Variants in CLEC6A observed in about 807,000 individuals in gnomAD.
CLEC6A encodes C-type lectin domain family 6 member A.
Under a neutral mutation model 25.7 loss-of-function variants are expected in CLEC6A, and 22 were observed. That is an observed-to-expected ratio of 0.85 (90% CI 0.61 to 1.22). CLEC6A has a LOEUF of 1.22. Ranked by LOEUF, CLEC6A falls within the 50% of genes most tolerant of loss-of-function variation. The pLI is 0.00. For missense variants in CLEC6A, 240 were observed against 236.8 expected, an observed-to-expected ratio of 1.01 and a Z score of -0.09; for synonymous variants, 92 against 76.7, an observed-to-expected ratio of 1.20 and a Z score of -1.04.
chr12:8,459,435 A>G (rs922934046), intron 2 of CLEC6A, among the ~76,000 whole-genome samples, 162 bp from the exon 3 acceptor site: 27 of 152,306 alleles, frequency 1.8e-4, no homozygotes, highest in African/African-American at 6.0e-4. Context: ...AAAAAATAAG[A>G]TAAGTGAATA....
At chr12:8,460,536 CAG>C in intron 3 of CLEC6A, 1 of 709,492 alleles carries the variant, frequency 1.4e-6, no homozygotes. Flanking sequence ...TGGGTGGAGA[CAG>C]AGAACCAAAC....
intron 4 of CLEC6A, among the ~76,000 whole-genome samples, chr12:8,474,817 G>A (rs537765774): frequency 3.9e-5 from 6 of 152,036 alleles, no homozygotes; most frequent in African/African-American, 4.8e-5. Flanking sequence ...TAAATAAATC[G>A]ACTATAGTTA....
At chr12:8,469,285 T>C (rs1487535949) in intron 4 of CLEC6A, among the ~76,000 whole-genome samples, 1 of 152,102 alleles carries the variant, frequency 6.6e-6, no homozygotes, top group East Asian at 1.9e-4. Flanking sequence ...AAATCACAGA[T>C]GACACAAGCA....
rs1939759325 is a variant in CLEC6A, at chr12:8,461,836, C to T, written c.223+2138C>T. The stretch of plus-strand genomic sequence containing the variant: ...ACGAAGAGCTAGAGTTCCTTCAATC[C>T]ACCTGCACTCGACCTAGGCCAGTTT... On this transcript the variant is annotated intron_variant, in intron 3 of 5. Coordinates refer to ENST00000382073, the MANE Select transcript of CLEC6A (RefSeq NM_001007033.2). Among the ~76,000 whole-genome samples, 3 of 152,158 alleles carry T rather than the reference C, an allele frequency of 2.0e-5. No homozygotes were observed. The South Asian group carries it at 6.2e-4, about 32-fold the overall frequency.
At chr12:8,465,243 CT>C (rs11420799) in intron 3 of CLEC6A, among the ~76,000 whole-genome samples, 35 of 145,622 alleles carry the variant, frequency 2.4e-4, no homozygotes, top group African/African-American at 5.0e-4. Flanking sequence ...TCAATAGTGA[CT>C]TTTTTTTTTT....
Position 8,465,468 on chromosome 12 carries a change from T to C in CLEC6A, c.224-16T>C, listed in dbSNP as rs113846065. 59 of 1,613,654 alleles carry C rather than the reference T, an allele frequency of 3.7e-5. No individual in the cohort carries two copies. The highest frequency in any genetic ancestry group is 1.7e-4 in the Middle Eastern group (1 of 6,060). On this transcript the variant is annotated splice_polypyrimidine_tract_variant and intron_variant, in intron 3 of 5. Transcript: ENST00000382073. ...ATCTTGCACTCACTCTTTTTTTTCATGTAACACAAAAATAGCCTGGGGATG... is the reference window on the plus strand; with the variant it reads ...ATCTTGCACTCACTCTTTTTTTTCACGTAACACAAAAATAGCCTGGGGATG...
chr12:8,457,933 G>A lies in CLEC6A; in HGVS notation c.67G>A (p.Val23Met). ...RGWLSLRLWS[V>M]AGISIALLSA... ...CTGGTTGTCCCTGAGACTCTGGTCTGTGGCTGGGATTTCCATTGCACTCCT... is the reference window on the plus strand; with the variant it reads ...CTGGTTGTCCCTGAGACTCTGGTCTATGGCTGGGATTTCCATTGCACTCCT... The change falls in exon 2 of 6, where the codon GTG becomes ATG. Residue 23 changes from valine to methionine, a missense_variant. Val to Met is a conservative substitution (Grantham distance 21, BLOSUM62 1). Coordinates refer to ENST00000382073, the MANE Select transcript of CLEC6A (RefSeq NM_001007033.2). 6.2e-7 allele frequency: 1 copy of A among 1,614,118 alleles called. No individual in the cohort carries two copies. The highest frequency in any genetic ancestry group is 1.1e-5 in the South Asian group (1 of 91,086).
chr12:8,456,352 G>T (rs892274891), intron 1 of CLEC6A, among the ~76,000 whole-genome samples: 1 of 152,156 alleles, frequency 6.6e-6, no homozygotes, highest in African/African-American at 2.4e-5. Context: ...TGGGAGGTTT[G>T]TACCAGATTT....
In CLEC6A at chr12:8,459,626, G is replaced by A. The variant is rs756792941; in HGVS notation, c.151G>A (p.Gly51Ser). ...TTACCATTTTACATATGGTGAAACTGGCAAAAGGCTGTCTGAACTACACTC... is the reference window on the plus strand; with the variant it reads ...TTACCATTTTACATATGGTGAAACTAGCAAAAGGCTGTCTGAACTACACTC... Reference protein sequence around the residue: ...VTYHFTYGETGKRLSELHSYH... With the variant: ...VTYHFTYGETSKRLSELHSYH... The change falls in exon 3 of 6, where the codon GGC becomes AGC. Residue 51 changes from glycine (G) to serine (S), a missense_variant. Physicochemically the swap from Gly to Ser is moderately conservative, Grantham distance 56. Coordinates refer to ENST00000382073, the MANE Select transcript of CLEC6A (RefSeq NM_001007033.2). 6.2e-6 allele frequency: 10 copies of A among 1,612,386 alleles called. No individual in the cohort carries two copies. The South Asian group carries it at 1.1e-4, about 18-fold the overall frequency.
intron 3 of CLEC6A, among the ~76,000 whole-genome samples, chr12:8,465,236 A>G (rs768897662): frequency 9.0e-6 from 1 of 111,698 alleles, no homozygotes; most frequent in East Asian, 2.6e-4. Flanking sequence ...ACAAAACTCA[A>G]TAGTGACTTT....
At chr12:8,460,350 G>T (rs1939736111) in intron 3 of CLEC6A, among the ~76,000 whole-genome samples, 1 of 152,226 alleles carries the variant, frequency 6.6e-6, no homozygotes, top group African/African-American at 2.4e-5. Flanking sequence ...GACAAGAGAA[G>T]AGAGAATGAG....
At chr12:8,470,070 C>T (rs981607983) in intron 4 of CLEC6A, among the ~76,000 whole-genome samples, 1 of 152,124 alleles carries the variant, frequency 6.6e-6, no homozygotes, top group African/African-American at 2.4e-5. Context: ...CTTCAATGAA[C>T]TTGAACAAAT....
chr12:8,458,116 T>C (rs1939702720), intron 2 of CLEC6A, 129 bp downstream of exon 2: 3 of 610,294 alleles, frequency 4.9e-6, no homozygotes, highest in Non-Finnish European at 8.6e-6. Flanking sequence ...ACACTTTCCT[T>C]GATTTCTCCT....
At chr12:8,465,023 A>G (rs1434577890) in intron 3 of CLEC6A, among the ~76,000 whole-genome samples, 2 of 152,220 alleles carry the variant, frequency 1.3e-5, no homozygotes, top group Non-Finnish European at 2.9e-5. Context: ...AATTTGCTCA[A>G]AGACATACAT....
At chr12:8,468,675 A>T (rs1309092501) in intron 4 of CLEC6A, among the ~76,000 whole-genome samples, 1 of 152,212 alleles carries the variant, frequency 6.6e-6, no homozygotes, top group Non-Finnish European at 1.5e-5. Flanking sequence ...AAACAGAATT[A>T]AAAACAAAAA....
intron 4 of CLEC6A, among the ~76,000 whole-genome samples, chr12:8,473,000 T>A (rs1316938712): frequency 1.1e-3 from 2 of 1,766 alleles, no homozygotes; most frequent in Middle Eastern, 0.12. Context: ...ACTTCTTTTT[T>A]TTTTTTTTTT....
intron 4 of CLEC6A, among the ~76,000 whole-genome samples, chr12:8,471,226 T>C (rs865956932): frequency 8.5e-5 from 13 of 152,184 alleles, no homozygotes; most frequent in South Asian, 2.1e-4. Context: ...TCAGTATTCA[T>C]CAGACACATT....
intron 3 of CLEC6A, chr12:8,460,811 G>A (rs866602489): frequency 5.8e-6 from 7 of 1,210,348 alleles, no homozygotes; most frequent in Admixed American, 1.7e-5. Flanking sequence ...TATAGGATTC[G>A]TGTTAGCCCT....
intron 3 of CLEC6A, among the ~76,000 whole-genome samples, chr12:8,462,874 G>A (rs923187647): frequency 1.3e-5 from 2 of 152,098 alleles, no homozygotes; most frequent in African/African-American, 2.4e-5. Flanking sequence ...ACACCCACAG[G>A]TGTGGAGGGG....
Sources: allele counts gnomAD v4.1 joint callset (sites outside exome capture counted in the v4.1 genomes callset), GRCh38; gene constraint gnomAD v4.1.1; transcripts MANE v1.5; gene names NCBI Gene and HGNC (gene_info 2026-07-23, HGNC 2026-07-21).